Variants in EYS observed in about 807,000 individuals in gnomAD.
EYS encodes protein eyes shut homolog.
Under a neutral mutation model 282.1 loss-of-function variants are expected in EYS, and 250 were observed. The observed-to-expected ratio is 0.89, with a 90% confidence interval of 0.80 to 0.98. The LOEUF is 0.98. EYS is among the 50% of genes least tolerant of loss of function. The probability of loss-of-function intolerance (pLI) is 0.00; values close to 1 mark genes in which losing one functional copy is unlikely to be tolerated. For missense variants in EYS, 4,016 were observed against 3,709.0 expected, an observed-to-expected ratio of 1.08 and a Z score of -2.15; for synonymous variants, 1,355 against 1,282.9, an observed-to-expected ratio of 1.06 and a Z score of -1.20.
At chr6:63,953,734 C>A (rs1010022585) in intron 35 of EYS, among the ~76,000 whole-genome samples, 1 of 152,182 alleles carries the variant, frequency 6.6e-6, no homozygotes, top group Non-Finnish European at 1.5e-5. Flanking sequence ...AAAAACTGCT[C>A]CCATACTAGC....
chr6:65,267,169 T>C (rs1244998570), intron 12 of EYS, among the ~76,000 whole-genome samples: 1 of 151,836 alleles, frequency 6.6e-6, no homozygotes, highest in African/African-American at 2.4e-5. Context: ...CTCCTGGTGC[T>C]TTATGCAAGG....
intron 26 of EYS, among the ~76,000 whole-genome samples, chr6:64,586,464 C>G (rs1766236590): frequency 6.6e-6 from 1 of 151,992 alleles, no homozygotes; most frequent in Non-Finnish European, 1.5e-5. Context: ...TTTAATGAAA[C>G]TATCTCTTCT....
intron 7 of EYS, among the ~76,000 whole-genome samples, chr6:65,398,083 G>A (rs994663039): frequency 6.6e-6 from 1 of 151,856 alleles, no homozygotes; most frequent in Admixed American, 6.6e-5. Flanking sequence ...CATGCCTTTT[G>A]CTGACTTTTT....
intron 12 of EYS, among the ~76,000 whole-genome samples, chr6:65,206,014 G>A (rs945847876): frequency 2.6e-5 from 4 of 151,662 alleles, no homozygotes; most frequent in Admixed American, 2.6e-4. Flanking sequence ...AAAGCTCGCA[G>A]AAGAAAAGAA....
intron 26 of EYS, among the ~76,000 whole-genome samples, chr6:64,472,130 G>C (rs1457000288): frequency 6.6e-6 from 1 of 152,134 alleles, no homozygotes; most frequent in South Asian, 2.1e-4. Context: ...TACTATAAAA[G>C]GAAATGGAAA....
chr6:64,457,928 T>C (rs917908320), intron 26 of EYS, among the ~76,000 whole-genome samples: 20 of 152,048 alleles, frequency 1.3e-4, no homozygotes, highest in African/African-American at 4.3e-4. Flanking sequence ...TGCTTTTTAT[T>C]TTGTTTGTGT....
chr6:65,529,946 A>G (rs768832736), intron 2 of EYS, among the ~76,000 whole-genome samples: 5 of 152,198 alleles, frequency 3.3e-5, no homozygotes, highest in Admixed American at 6.5e-5. Context: ...TCTGTTGTTT[A>G]GAAGCCATCC....
chr6:65,123,960 C>T (rs945522087), intron 12 of EYS, among the ~76,000 whole-genome samples: 3 of 151,850 alleles, frequency 2.0e-5, no homozygotes, highest in African/African-American at 7.3e-5. Flanking sequence ...CAAGCAGATC[C>T]CTTGAGCTCA....
chr6:64,426,547 T>C (rs1384123893), intron 28 of EYS, among the ~76,000 whole-genome samples: 1 of 152,262 alleles, frequency 6.6e-6, no homozygotes, highest in South Asian at 2.1e-4. Flanking sequence ...AGCCTTTTTT[T>C]TTCTTTTTTT....
chr6:64,481,860 A>G (rs1413995528), intron 26 of EYS, among the ~76,000 whole-genome samples: 1 of 151,708 alleles, frequency 6.6e-6, no homozygotes, highest in Non-Finnish European at 1.5e-5. Context: ...AAAGTGCTTA[A>G]TATCTGTTCT....
chr6:63,987,727 A>G (rs538373708), intron 34 of EYS, among the ~76,000 whole-genome samples: 4 of 151,762 alleles, frequency 2.6e-5, no homozygotes, highest in African/African-American at 7.2e-5. Flanking sequence ...TACAGATACA[A>G]TAAAATGGAA....
At chr6:65,672,845 G>A (rs958367933) in intron 1 of EYS, among the ~76,000 whole-genome samples, 8 of 152,150 alleles carry the variant, frequency 5.3e-5, no homozygotes, top group African/African-American at 9.6e-5. Context: ...GGGTGCAGGC[G>A]GGCTGAGTCC....
At chr6:64,642,914 G>A (rs1201217345) in intron 22 of EYS, among the ~76,000 whole-genome samples, 2 of 152,144 alleles carry the variant, frequency 1.3e-5, no homozygotes, top group African/African-American at 2.4e-5. Context: ...TCAGGAGTTC[G>A]AGACCAGCAT....
At chr6:65,698,851 G>C (rs1017097883) in intron 1 of EYS, among the ~76,000 whole-genome samples, 1 of 152,062 alleles carries the variant, frequency 6.6e-6, no homozygotes, top group Non-Finnish European at 1.5e-5. Context: ...ATTAAACATG[G>C]ATTGTTTCAC....
At chr6:65,350,010 T>C (rs1770540389) in intron 9 of EYS, among the ~76,000 whole-genome samples, 1 of 151,626 alleles carries the variant, frequency 6.6e-6, no homozygotes, top group African/African-American at 2.4e-5. Context: ...TTCTGTTTAT[T>C]AAAGTTGTTT....
At chr6:65,376,573 C>A (rs574527923) in intron 8 of EYS, among the ~76,000 whole-genome samples, 17 of 152,120 alleles carry the variant, frequency 1.1e-4, no homozygotes, top group Non-Finnish European at 2.5e-4. Context: ...TTCAAAGACA[C>A]AGAATGGCAA....
chr6:63,906,444 A>T (rs564832714), intron 35 of EYS, among the ~76,000 whole-genome samples: 18 of 152,184 alleles, frequency 1.2e-4, no homozygotes, highest in Non-Finnish European at 2.2e-4. Flanking sequence ...ATCTCTTGCT[A>T]TAACTGTGTC....
intron 33 of EYS, among the ~76,000 whole-genome samples, chr6:64,008,104 G>T (rs1019037049): frequency 6.6e-6 from 1 of 152,126 alleles, no homozygotes; most frequent in South Asian, 2.1e-4. Flanking sequence ...TTGTTGTATG[G>T]TTATCTAAAA....
intron 28 of EYS, among the ~76,000 whole-genome samples, chr6:64,431,858 T>C (rs550992528): frequency 6.6e-6 from 1 of 152,122 alleles, no homozygotes; most frequent in Non-Finnish European, 1.5e-5. Flanking sequence ...ATTAATATAA[T>C]GACATTCAGG....
Sources: gnomAD v4.1 joint callset for allele counts (sites outside exome capture counted in the v4.1 genomes callset) on GRCh38, gnomAD v4.1.1 for gene constraint, MANE v1.5 for transcripts, NCBI Gene and HGNC (gene_info 2026-07-23, HGNC 2026-07-21) for gene names.